Variants in MAPKAP1 observed in about 807,000 individuals in gnomAD.
The protein encoded by MAPKAP1 is target of rapamycin complex 2 subunit MAPKAP1.
In MAPKAP1, 20 loss-of-function variants were observed where a neutral mutation model predicts 65.7. The observed-to-expected ratio is 0.30, with a 90% CI of 0.21 to 0.44. The LOEUF is 0.44. Among genes scored for constraint, MAPKAP1 ranks in the 20% least tolerant of loss-of-function variants. MAPKAP1 has a pLI of 1.00. For missense variants in MAPKAP1, 423 were observed against 648.0 expected, an observed-to-expected ratio of 0.65 and a Z score of 3.77; for synonymous variants, 222 against 244.3, an observed-to-expected ratio of 0.91 and a Z score of 0.85.
At chr9:125,556,870 A>C (rs906874078) in intron 6 of MAPKAP1, among the ~76,000 whole-genome samples, 2 of 152,224 alleles carry the variant, frequency 1.3e-5, no homozygotes, top group African/African-American at 4.8e-5. Flanking sequence ...CACAGGGCAA[A>C]CGGTCAGTAA....
intron 4 of MAPKAP1, among the ~76,000 whole-genome samples, chr9:125,631,811 A>G (rs1036716615): frequency 6.6e-6 from 1 of 152,130 alleles, no homozygotes; most frequent in Non-Finnish European, 1.5e-5. Context: ...CCTACCTAGA[A>G]GCCTCCTGCC....
At chr9:125,577,931 T>C (rs1001370939) in intron 5 of MAPKAP1, among the ~76,000 whole-genome samples, 3 of 151,394 alleles carry the variant, frequency 2.0e-5, no homozygotes. Context: ...CTGGGAGGTG[T>C]ACCCAACAGC....
intron 9 of MAPKAP1, among the ~76,000 whole-genome samples, chr9:125,482,603 C>T (rs1322548797): frequency 6.6e-6 from 1 of 152,152 alleles, no homozygotes; most frequent in Non-Finnish European, 1.5e-5. Flanking sequence ...CACTTATTGT[C>T]ATTCATAGGT....
At chr9:125,459,508 A>C (rs1448091801) in intron 10 of MAPKAP1, among the ~76,000 whole-genome samples, 34 of 152,016 alleles carry the variant, frequency 2.2e-4, no homozygotes, top group Admixed American at 5.2e-4. Context: ...ACGCCACTGC[A>C]CTCCAGCCTG....
intron 7 of MAPKAP1, among the ~76,000 whole-genome samples, chr9:125,515,263 C>G (rs1829427103): frequency 6.6e-6 from 1 of 152,114 alleles, no homozygotes; most frequent in Admixed American, 6.5e-5. Context: ...ATTCTCCTGC[C>G]TAGTTAAACT....
At chr9:125,589,129 G>A (rs1386160199) in intron 4 of MAPKAP1, among the ~76,000 whole-genome samples, 4 of 151,970 alleles carry the variant, frequency 2.6e-5, no homozygotes, top group Admixed American at 6.6e-5. Context: ...GAGGAGAATG[G>A]TAGGACCTAC....
intron 5 of MAPKAP1, among the ~76,000 whole-genome samples, chr9:125,572,028 A>C (rs1441587398): frequency 6.6e-6 from 1 of 152,216 alleles, no homozygotes; most frequent in East Asian, 1.9e-4. Context: ...TTTCTCCAAA[A>C]TTTGGAAACT....
chr9:125,664,392 C>A (rs1406756416), intron 3 of MAPKAP1, among the ~76,000 whole-genome samples: 1 of 151,106 alleles, frequency 6.6e-6, no homozygotes, highest in Non-Finnish European at 1.5e-5. Context: ...GATTTATTTA[C>A]AAAAGACCAA....
At chr9:125,660,940 A>G (rs1171524676) in intron 3 of MAPKAP1, among the ~76,000 whole-genome samples, 1 of 152,194 alleles carries the variant, frequency 6.6e-6, no homozygotes, top group East Asian at 1.9e-4. Context: ...AAAAGAAAAC[A>G]CTTCTGTATG....
chr9:125,669,928 C>G, intron 2 of MAPKAP1, 21 bp from the exon 3 acceptor site: 1 of 1,276,564 alleles, frequency 7.8e-7, no homozygotes, highest in Non-Finnish European at 1.1e-6. Context: ...AATATTATAA[C>G]TGTAAGTTTG....
At chr9:125,557,171 T>G (rs1396828735) in intron 6 of MAPKAP1, among the ~76,000 whole-genome samples, 1 of 152,096 alleles carries the variant, frequency 6.6e-6, no homozygotes, top group East Asian at 1.9e-4. Context: ...GAAGGCAGGG[T>G]TCATAGTGAA....
intron 5 of MAPKAP1, among the ~76,000 whole-genome samples, chr9:125,574,826 T>A (rs755342494): frequency 4.6e-5 from 7 of 152,216 alleles, no homozygotes; most frequent in African/African-American, 7.2e-5. Flanking sequence ...TCATTTTATT[T>A]TCATTACTAC....
intron 3 of MAPKAP1, 31 bp from the exon 4 acceptor site, chr9:125,657,830 G>A (rs2131753720): frequency 6.2e-7 from 1 of 1,606,470 alleles, no homozygotes; most frequent in South Asian, 1.1e-5. Flanking sequence ...AAACATCTTT[G>A]TGATTACACA....
At chr9:125,679,473 G>A (rs1834757029) in intron 1 of MAPKAP1, among the ~76,000 whole-genome samples, 2 of 152,112 alleles carry the variant, frequency 1.3e-5, no homozygotes, top group Non-Finnish European at 2.9e-5. Flanking sequence ...GAAACAATCA[G>A]TGCATGTAAT....
intron 1 of MAPKAP1, among the ~76,000 whole-genome samples, chr9:125,679,971 T>C (rs980377914): frequency 6.6e-6 from 1 of 152,228 alleles, no homozygotes; most frequent in African/African-American, 2.4e-5. Flanking sequence ...GGCATGTTAA[T>C]TGTGTATTTA....
At chr9:125,590,448 G>A (rs1009404623) in intron 4 of MAPKAP1, among the ~76,000 whole-genome samples, 1 of 152,022 alleles carries the variant, frequency 6.6e-6, no homozygotes, top group Non-Finnish European at 1.5e-5. Context: ...TCAGGAGTTC[G>A]AGACCAGCCT....
At chr9:125,556,732 T>A (rs1471953113) in intron 6 of MAPKAP1, among the ~76,000 whole-genome samples, 1 of 152,214 alleles carries the variant, frequency 6.6e-6, no homozygotes, top group Non-Finnish European at 1.5e-5. Flanking sequence ...TTTCCTTCTC[T>A]GAAACTTTAG....
At chr9:125,567,850 G>A (rs1260964012) in intron 5 of MAPKAP1, 2 of 152,100 alleles carry the variant, frequency 1.3e-5, no homozygotes, top group African/African-American at 4.8e-5. Flanking sequence ...ACTATACTTC[G>A]GAAACCCCTG....
chr9:125,664,126 T>C (rs955658957), intron 3 of MAPKAP1, among the ~76,000 whole-genome samples: 2 of 151,316 alleles, frequency 1.3e-5, no homozygotes, highest in Non-Finnish European at 2.9e-5. Context: ...GAGGGTGGAT[T>C]ACCTGATGTC....
Sources: gnomAD v4.1 joint callset for allele counts (sites outside exome capture counted in the v4.1 genomes callset) on GRCh38, gnomAD v4.1.1 for gene constraint, MANE v1.5 for transcripts, NCBI Gene and HGNC (gene_info 2026-07-23, HGNC 2026-07-21) for gene names.